PAPLN: variants seen among roughly 807,000 people sequenced by gnomAD.
PAPLN encodes the protein papilin, proteoglycan like sulfated glycoprotein.
PAPLN carries 146 observed loss-of-function variants against 159.0 expected under a neutral mutation model. That is an observed-to-expected ratio of 0.92 (90% CI 0.80 to 1.05). The LOEUF (loss-of-function observed/expected upper bound fraction) is 1.05. PAPLN is among the 50% of genes least tolerant of loss of function. The probability of loss-of-function intolerance (pLI) is 0.00; values close to 1 mark genes in which losing one functional copy is unlikely to be tolerated. For missense variants in PAPLN, 1,720 were observed against 1,743.9 expected, an observed-to-expected ratio of 0.99 and a Z score of 0.24; for synonymous variants, 734 against 702.9, an observed-to-expected ratio of 1.04 and a Z score of -0.70.
intron 14 of PAPLN, among the ~76,000 whole-genome samples, chr14:73,257,342 G>A (rs1185372978): frequency 1.3e-5 from 2 of 151,840 alleles, no homozygotes; most frequent in African/African-American, 2.4e-5. Flanking sequence ...TTTGAAGCAC[G>A]CAAATAGAAG....
rs760345611 is a variant in PAPLN at position 73,265,337 on chromosome 14, G to A, written c.3126-33G>A. The A allele has an allele frequency of 1.3e-6, 2 of 1,598,400 alleles. No homozygotes were observed. Among genetic ancestry groups the A allele is most frequent in the Admixed American group, 3.4e-5 (2 of 59,672 alleles). ...GGGAGTAGGCGGGGGCAACGGCAAG[G>A]GCCCCTCATGCTGTGGGCTGCTTGT... On this transcript the variant is annotated intron_variant, in intron 22 of 26. Coordinates refer to ENST00000644200, the MANE Select transcript of PAPLN (RefSeq NM_001365906.3). This position sits in a 1 kb window ranked among gnomAD's most constrained non-coding sequence, Gnocchi z 4.1.
rs1470609697 is a variant in PAPLN, at chr14:73,254,676, A to C, written c.1466A>C (p.His489Pro). 1.2e-6 allele frequency: 2 copies of C among 1,613,900 alleles called. No homozygotes were observed. Among genetic ancestry groups the C allele is most frequent in the South Asian group, 2.2e-5 (2 of 91,078 alleles). Reference protein sequence around the residue: ...DCPLLSDQAWHVGTWGLCSKS... With the variant: ...DCPLLSDQAWPVGTWGLCSKS... ...CCCCTCCTCAGTGACCAGGCCTGGCATGTTGGCACCTGGGGTCTAGTGAGT... is the reference window on the plus strand; with the variant it reads ...CCCCTCCTCAGTGACCAGGCCTGGCCTGTTGGCACCTGGGGTCTAGTGAGT... The change falls in exon 13 of 27, where the codon CAT becomes CCT. Residue 489 changes from histidine to proline, a missense_variant. Transcript: ENST00000644200.
At chr14:73,237,285 C>T (rs1883088208), upstream of PAPLN, among the ~76,000 whole-genome samples, 1 of 152,130 alleles carries the variant, frequency 6.6e-6, no homozygotes, top group African/African-American at 2.4e-5. Flanking sequence ...GGCGCTGACC[C>T]AAGAGAGGAC....
At chr14:73,249,322 A>G (rs531118181) in intron 5 of PAPLN, among the ~76,000 whole-genome samples, 116 of 152,304 alleles carry the variant, frequency 7.6e-4, no homozygotes, top group Middle Eastern at 6.8e-3. Flanking sequence ...CTTCACAATC[A>G]TCATTTGTAA....
In PAPLN at chr14:73,259,519, C is replaced by A. The variant is rs765162112; in HGVS notation, c.1959C>A (p.Cys653Ter). The change falls in exon 16 of 27, where the codon TGC becomes TGA. Residue 653 changes from cysteine (C) to a stop codon, truncating the protein, a stop_gained. Coordinates refer to ENST00000644200, the MANE Select transcript of PAPLN (RefSeq NM_001365906.3). LOFTEE classifies it high-confidence loss of function. Reference protein sequence around the residue: ...TASLGPQWQGCPGAPCQQSRY... With the variant: ...TASLGPQWQG ...CTCTCGGGCCTCAGTGGCAAGGCTG[C>A]CCTGGGGCCCCCTGTCAGCAGAGCA... 1 of 1,585,622 alleles carries A rather than the reference C, an allele frequency of 6.3e-7. No homozygotes were observed. Among genetic ancestry groups the A allele is most frequent in the Non-Finnish European group, 8.6e-7 (1 of 1,165,446 alleles).
Position 73,272,796 on chromosome 14 carries a change from A to C in PAPLN, c.*132A>C, listed in dbSNP as rs1594843768. ...CTGGAATACATTAGCTCTTTCAAAA[A>C]CCCACCCAGTGTTTAGCCTCAACGG... On this transcript the variant is annotated 3_prime_UTR_variant, in exon 27 of 27. Coordinates refer to ENST00000644200, the MANE Select transcript of PAPLN (RefSeq NM_001365906.3). 1 of 1,015,692 alleles carries C rather than the reference A, an allele frequency of 9.8e-7. No homozygotes were observed. The allele number at this position is 1,015,692 out of a possible 1,614,324, so 62.9% of individuals were successfully genotyped here.
chr14:73,247,285 G>A (rs1884512474), intron 5 of PAPLN, among the ~76,000 whole-genome samples: 1 of 152,066 alleles, frequency 6.6e-6, no homozygotes, highest in Non-Finnish European at 1.5e-5. Context: ...TACAGTTCAG[G>A]GAAAAAACAC....
chr14:73,262,399 C>G lies in PAPLN; in HGVS notation c.2295C>G (p.Asp765Glu), dbSNP rs1594819971. The change falls in exon 19 of 27, where the codon GAC becomes GAG. Residue 765 changes from aspartate to glutamate, a missense_variant. Transcript: ENST00000644200. ...LLPSAHGSCA[D>E]WAARWYFVAS... ...CCAGTGCCCATGGCTCTTGCGCAGA[C>G]TGGGCTGCCCGCTGGTACTTCGTTG... The G allele has an allele frequency of 1.2e-6, 2 of 1,614,004 alleles. No individual in the cohort carries two copies. The highest frequency in any genetic ancestry group is 1.7e-6 in the Non-Finnish European group (2 of 1,179,980).
At position 73,264,815 on chromosome 14, in the gene PAPLN, G is replaced by T; in HGVS notation, c.3125+89G>T. On this transcript the variant is annotated intron_variant, in intron 22 of 26. Transcript: ENST00000644200. The stretch of plus-strand genomic sequence containing the variant: ...GGATAAGGAGGGGAACGTCTGCTGT[G>T]ACCAGGCCTTGCCAGCCCCTGCTCA... The T allele has an allele frequency of 1.9e-6, 3 of 1,578,538 alleles. No homozygotes were observed. The South Asian group carries it at 3.5e-5, about 19-fold the overall frequency.
intron 22 of PAPLN, among the ~76,000 whole-genome samples, 168 bp downstream of exon 22, chr14:73,264,894 G>A (rs1490719843): frequency 6.6e-6 from 1 of 152,256 alleles, no homozygotes; most frequent in East Asian, 1.9e-4. Context: ...TGGGCCTCTT[G>A]AGGAAGAAGC....
chr14:73,246,006 C>G, intron 4 of PAPLN, 67 bp from the exon 5 acceptor site: 1 of 1,403,954 alleles, frequency 7.1e-7, no homozygotes. Context: ...TGGGCTCGGG[C>G]GGGGCGGGAG....
At chr14:73,262,133 G>T in intron 18 of PAPLN, 1 of 520,256 alleles carries the variant, frequency 1.9e-6, no homozygotes, top group Non-Finnish European at 3.3e-6. Context: ...TGTGGGTGAA[G>T]GCTGCTGTGG....
At position 73,266,558 on chromosome 14, in the gene PAPLN, C is replaced by A; in HGVS notation, c.3321C>A (p.Gly1107=). The part of the protein sequence containing the change: ...LVISRVAVED[G]GFYTCVAFNG... The stretch of plus-strand genomic sequence containing the variant: ...TTAGCCGAGTGGCTGTAGAAGATGG[C>A]GGCTTCTACACCTGTGTCGCTTTCA... The change falls in exon 24 of 27, where the codon GGC becomes GGA. Residue 1107 remains glycine, a synonymous_variant. Coordinates refer to ENST00000644200, the MANE Select transcript of PAPLN (RefSeq NM_001365906.3). 1 of 1,614,160 alleles carries A rather than the reference C, an allele frequency of 6.2e-7. No homozygotes were observed. Among genetic ancestry groups the A allele is most frequent in the Non-Finnish European group, 8.5e-7 (1 of 1,180,010 alleles).
At chr14:73,271,895 GTA>G (rs1055117631) in intron 26 of PAPLN, among the ~76,000 whole-genome samples, 1 of 152,164 alleles carries the variant, frequency 6.6e-6, no homozygotes, top group Admixed American at 6.5e-5. Context: ...AGTGTAGTTA[GTA>G]TTAGAGCCAC....
rs569188616 is a variant in PAPLN, at chr14:73,265,331, G to A, written c.3126-39G>A. 1.6e-5 allele frequency: 25 copies of A among 1,594,562 alleles called. No homozygotes were observed. Among genetic ancestry groups the A allele is most frequent in the Admixed American group, 5.0e-5 (3 of 59,532 alleles). Reference sequence around the variant, plus strand: ...GCCCATGGGAGTAGGCGGGGGCAACGGCAAGGGCCCCTCATGCTGTGGGCT... The same window carrying A: ...GCCCATGGGAGTAGGCGGGGGCAACAGCAAGGGCCCCTCATGCTGTGGGCT... On this transcript the variant is annotated intron_variant, in intron 22 of 26. Transcript: ENST00000644200. The surrounding 1 kb of genome is among the most constrained non-coding windows in gnomAD (Gnocchi z 4.1).
At chr14:73,255,569 A>G (rs2242614) in intron 14 of PAPLN, among the ~76,000 whole-genome samples, 84,644 of 151,822 alleles carry the variant, frequency 0.56, 24,120 homozygotes, top group East Asian at 0.73. Context: ...GAGCCTCACA[A>G]GCATGAGGGC....
chr14:73,260,045 C>G (rs1240792740), intron 16 of PAPLN, among the ~76,000 whole-genome samples: 1 of 152,124 alleles, frequency 6.6e-6, no homozygotes, highest in African/African-American at 2.4e-5. Context: ...GTCTCAGAGA[C>G]CAGGTGCTTC....
intron 4 of PAPLN, 54 bp from the exon 5 acceptor site, chr14:73,246,019 G>A (rs911724858): frequency 1.4e-6 from 2 of 1,460,498 alleles, no homozygotes; most frequent in Non-Finnish European, 1.8e-6. Flanking sequence ...GGCGGGAGGT[G>A]GGCGGACCTC....
rs188827363 is a variant in PAPLN at position 73,263,973 on chromosome 14, C to G, written c.2861+191C>G. 5.5e-4 allele frequency: 771 copies of G among 1,401,670 alleles called. 3 individuals are homozygous for G. The African/African-American group carries it at 0.01, about 19-fold the overall frequency. The allele number at this position is 1,401,670 out of a possible 1,614,324, so 86.8% of individuals were successfully genotyped here. On this transcript the variant is annotated intron_variant, in intron 20 of 26. Transcript: ENST00000644200. ...GTGACGGCCCCCCGACCTCCTCTGACAGGTGTGTGTGACAGCCCCCCGACC... is the reference window on the plus strand; with the variant it reads ...GTGACGGCCCCCCGACCTCCTCTGAGAGGTGTGTGTGACAGCCCCCCGACC...
Sources: gnomAD v4.1 joint callset for allele counts (sites outside exome capture counted in the v4.1 genomes callset) on GRCh38, gnomAD v4.1.1 for gene constraint, Gnocchi (gnomAD v3.1) non-coding constraint, MANE v1.5 for transcripts, NCBI Gene and HGNC (gene_info 2026-07-23, HGNC 2026-07-21) for gene names.